Variants in CATSPERE observed in about 807,000 individuals in gnomAD.
CATSPERE encodes cation channel sperm-associated auxiliary subunit epsilon.
CATSPERE carries 93 observed loss-of-function variants against 114.1 expected under a neutral mutation model. The ratio of observed to expected loss-of-function variants is 0.81; its 90% CI spans 0.69 to 0.97. CATSPERE has a LOEUF of 0.97. Ranked by LOEUF, CATSPERE falls within the 50% of genes least tolerant of loss-of-function variation. The pLI is 0.00. For synonymous variants in CATSPERE, 341 were observed against 384.1 expected (o/e 0.89, Z 1.31); for missense variants, 1,058 against 1,131.6 (o/e 0.93, Z 0.93).
intron 14 of CATSPERE, among the ~76,000 whole-genome samples, chr1:244,590,107 C>G (rs1173370247): frequency 2.6e-5 from 4 of 152,146 alleles, no homozygotes; most frequent in Non-Finnish European, 5.9e-5. Flanking sequence ...CAATATCTAT[C>G]TAAAAATGGT....
chr1:244,593,289 T>G (rs1667964441), intron 15 of CATSPERE, 106 bp from the exon 16 acceptor site: 1 of 1,086,970 alleles, frequency 9.2e-7, no homozygotes, highest in Admixed American at 2.1e-5. Context: ...ATAATTATAT[T>G]TATCTGTTTG....
intron 8 of CATSPERE, among the ~76,000 whole-genome samples, chr1:244,519,013 C>T (rs888157996): frequency 4.0e-5 from 6 of 151,754 alleles, no homozygotes; most frequent in East Asian, 3.9e-4. Context: ...GTCCAGTGCC[C>T]GTACACACAC....
intron 17 of CATSPERE, among the ~76,000 whole-genome samples, chr1:244,594,968 C>T (rs1668200752): frequency 6.6e-6 from 1 of 152,146 alleles, no homozygotes; most frequent in South Asian, 2.1e-4. Flanking sequence ...GACACCCAAT[C>T]ATGTCACTGC....
At chr1:244,515,536 G>A (rs1480686057) in intron 7 of CATSPERE, among the ~76,000 whole-genome samples, 1 of 152,166 alleles carries the variant, frequency 6.6e-6, no homozygotes, top group African/African-American at 2.4e-5. Context: ...AGTTGTACAG[G>A]AATTGGATGG....
At chr1:244,576,330 C>T (rs1665262576) in intron 11 of CATSPERE, among the ~76,000 whole-genome samples, 1 of 151,864 alleles carries the variant, frequency 6.6e-6, no homozygotes, top group Admixed American at 6.6e-5. Context: ...CTGTATGGGT[C>T]ACCATTTTGT....
intron 5 of CATSPERE, among the ~76,000 whole-genome samples, chr1:244,486,319 C>T (rs575356942): frequency 1.5e-4 from 23 of 151,654 alleles, no homozygotes; most frequent in Middle Eastern, 7.0e-3. Flanking sequence ...GTGGGGTACT[C>T]GTGGGCCAGG....
chr1:244,485,335 C>A (rs746534468), intron 5 of CATSPERE, among the ~76,000 whole-genome samples: 4 of 152,006 alleles, frequency 2.6e-5, no homozygotes, highest in Non-Finnish European at 5.9e-5. Flanking sequence ...GCACCCACCA[C>A]CACACCTGGC....
At chr1:244,600,888 C>T in intron 17 of CATSPERE, among the ~76,000 whole-genome samples, 1 of 152,006 alleles carries the variant, frequency 6.6e-6, no homozygotes, top group East Asian at 1.9e-4. Context: ...TCTAAATTTA[C>T]AAACATTTAA....
rs1214019523 is a variant in CATSPERE, at chr1:244,504,802, C to T, written c.429+5723C>T. Among the ~76,000 whole-genome samples the T allele has an allele frequency of 3.3e-5, 5 of 152,234 alleles. No homozygotes were observed. Among genetic ancestry groups the T allele is most frequent in the Admixed American group, 1.3e-4 (2 of 15,286 alleles). ...ATGTGTCGCTGCTGATGTTTGCGTTCATCACCTGGCTTGTGATTGTGATCC... is the reference window on the plus strand; with the variant it reads ...ATGTGTCGCTGCTGATGTTTGCGTTTATCACCTGGCTTGTGATTGTGATCC... On this transcript the variant is annotated intron_variant, in intron 7 of 21. Transcript: ENST00000366534. This position sits in a 1 kb window ranked among gnomAD's most constrained non-coding sequence, Gnocchi z 4.1.
intron 11 of CATSPERE, among the ~76,000 whole-genome samples, chr1:244,580,791 G>A (rs1325962610): frequency 6.6e-6 from 1 of 151,828 alleles, no homozygotes; most frequent in African/African-American, 2.4e-5. Flanking sequence ...GCCTGAGGTC[G>A]GGAGTTCAAG....
At chr1:244,584,051 C>A in intron 13 of CATSPERE, 112 bp downstream of exon 13, 3 of 720,812 alleles carry the variant, frequency 4.2e-6, no homozygotes, top group Non-Finnish European at 4.8e-6. Flanking sequence ...TACCTCCATA[C>A]AATACCTCCA....
intron 20 of CATSPERE, among the ~76,000 whole-genome samples, chr1:244,625,455 A>C (rs1673063395): frequency 2.9e-4 from 1 of 3,424 alleles, no homozygotes. Context: ...TTTGAGATGG[A>C]GTCTCACTCT....
In CATSPERE at chr1:244,518,629, G is replaced by A. The variant is rs751236170; in HGVS notation, c.467G>A (p.Gly156Glu). ...IVLSTQMATL[G>E]QKPVIHTVLK... ...CTCAGCACACAGATGGCCACATTGGGACAGAAGCCTGTCATACATACAGTT... is the reference window on the plus strand; with the variant it reads ...CTCAGCACACAGATGGCCACATTGGAACAGAAGCCTGTCATACATACAGTT... The change falls in exon 8 of 22, where the codon GGA (glycine) becomes GAA (glutamate). Residue 156 changes from glycine to glutamate, a missense_variant. Gly to Glu is a moderately conservative substitution (Grantham distance 98). Coordinates refer to ENST00000366534, the MANE Select transcript of CATSPERE (RefSeq NM_001130957.2). 4 of 1,601,814 alleles carry A rather than the reference G, an allele frequency of 2.5e-6. No homozygotes were observed. The highest frequency in any genetic ancestry group is 3.4e-6 in the Non-Finnish European group (4 of 1,171,212).
chr1:244,469,569 TG>T (rs760995078), intron 2 of CATSPERE, among the ~76,000 whole-genome samples: 4 of 152,200 alleles, frequency 2.6e-5, no homozygotes, highest in Non-Finnish European at 4.4e-5. Context: ...GCATCCACTT[TG>T]GAAAGGGGAA....
chr1:244,473,580 C>A (rs1261346371), intron 2 of CATSPERE, among the ~76,000 whole-genome samples: 1 of 152,024 alleles, frequency 6.6e-6, no homozygotes, highest in Non-Finnish European at 1.5e-5. Context: ...TTAACAGTGT[C>A]TTTTACAGAG....
intron 3 of CATSPERE, 75 bp downstream of exon 3, chr1:244,477,689 C>A: frequency 1.8e-6 from 2 of 1,092,464 alleles, no homozygotes; most frequent in South Asian, 1.4e-5. Context: ...CATTGAGATT[C>A]AAGGCTGTGA....
At chr1:244,463,412 C>T (rs754982345) in intron 1 of CATSPERE, among the ~76,000 whole-genome samples, 7 of 151,936 alleles carry the variant, frequency 4.6e-5, no homozygotes, top group East Asian at 1.9e-4. Context: ...TGGTGGCATG[C>T]GCCTGTAGTC....
intron 2 of CATSPERE, among the ~76,000 whole-genome samples, chr1:244,473,126 A>G (rs1354408177): frequency 6.6e-6 from 1 of 152,178 alleles, no homozygotes; most frequent in African/African-American, 2.4e-5. Context: ...GGTGAATACC[A>G]AAAGTGCAAT....
chr1:244,509,650 G>A (rs780281925), intron 7 of CATSPERE, among the ~76,000 whole-genome samples: 5 of 152,230 alleles, frequency 3.3e-5, no homozygotes, highest in South Asian at 4.1e-4. Context: ...GCAGAGAACC[G>A]ATATTAGTTA....
Sources: gnomAD v4.1 joint callset for allele counts (sites outside exome capture counted in the v4.1 genomes callset) on GRCh38, gnomAD v4.1.1 for gene constraint, Gnocchi (gnomAD v3.1) non-coding constraint, MANE v1.5 for transcripts, NCBI Gene and HGNC (gene_info 2026-07-23, HGNC 2026-07-21) for gene names.